HNF4G: variants seen among roughly 807,000 people sequenced by gnomAD.
HNF4G encodes hepatocyte nuclear factor 4 gamma, also known as hepatocyte nuclear factor 4-gamma.
In HNF4G, 21 loss-of-function variants were observed where a neutral mutation model predicts 50.9. The observed-to-expected ratio is 0.41, with a 90% CI of 0.29 to 0.59. The LOEUF is 0.59. Among genes scored for constraint, HNF4G ranks in the 20% least tolerant of loss-of-function variants. HNF4G has a pLI of 0.26. For synonymous variants in HNF4G, 198 were observed against 185.6 expected (o/e 1.07, Z -0.54); for missense variants, 527 against 559.4 (o/e 0.94, Z 0.58).
chr8:75,484,351 G>C (rs1181787898), intron 1 of HNF4G, among the ~76,000 whole-genome samples: 1 of 152,110 alleles, frequency 6.6e-6, no homozygotes, highest in Non-Finnish European at 1.5e-5. Flanking sequence ...TAATTGAAAA[G>C]AGTGATATTT....
At chr8:75,444,731 A>G (rs1811379436) in intron 1 of HNF4G, among the ~76,000 whole-genome samples, 1 of 89,542 alleles carries the variant, frequency 1.1e-5, no homozygotes, top group Non-Finnish European at 2.2e-5. Flanking sequence ...AGAGCTAACT[A>G]TCCTAAATAT....
intron 1 of HNF4G, among the ~76,000 whole-genome samples, chr8:75,470,421 T>C (rs941239965): frequency 6.6e-6 from 1 of 152,156 alleles, no homozygotes; most frequent in African/African-American, 2.4e-5. Context: ...ATTTTTCCAA[T>C]TGTAGTCTAT....
At chr8:75,427,059 C>T (rs950926897) in intron 1 of HNF4G, among the ~76,000 whole-genome samples, 1 of 152,120 alleles carries the variant, frequency 6.6e-6, no homozygotes, top group South Asian at 2.1e-4. Flanking sequence ...AATGATATTG[C>T]TATTACATGA....
chr8:75,491,943 A>G (rs1475532223), intron 2 of HNF4G, among the ~76,000 whole-genome samples: 1 of 152,188 alleles, frequency 6.6e-6, no homozygotes, highest in African/African-American at 2.4e-5. Context: ...GTGGTTTTAG[A>G]CAGTGAGGCC....
intron 1 of HNF4G, among the ~76,000 whole-genome samples, chr8:75,428,206 G>A (rs1156726255): frequency 6.6e-6 from 1 of 152,122 alleles, no homozygotes; most frequent in African/African-American, 2.4e-5. Flanking sequence ...AGACCTAGCA[G>A]GTGGGTGTAT....
chr8:75,546,656 A>G (rs975808933), intron 2 of HNF4G, among the ~76,000 whole-genome samples: 6 of 152,164 alleles, frequency 3.9e-5, no homozygotes, highest in African/African-American at 1.4e-4. Flanking sequence ...TTAGAATAGA[A>G]TAGGCTGCCA....
chr8:75,544,524 T>G (rs1046817149), intron 2 of HNF4G, among the ~76,000 whole-genome samples: 3 of 152,180 alleles, frequency 2.0e-5, no homozygotes, highest in Non-Finnish European at 4.4e-5. Context: ...AAATTTAATT[T>G]TCAGTCCTAA....
At chr8:75,467,036 G>C (rs906834299) in intron 1 of HNF4G, among the ~76,000 whole-genome samples, 2 of 151,914 alleles carry the variant, frequency 1.3e-5, no homozygotes, top group South Asian at 2.1e-4. Flanking sequence ...AATTTGAGGA[G>C]TATACTTTTT....
At chr8:75,463,844 G>T (rs1410153357) in intron 1 of HNF4G, among the ~76,000 whole-genome samples, 1 of 141,156 alleles carries the variant, frequency 7.1e-6, no homozygotes, top group Non-Finnish European at 1.5e-5. Context: ...GCATGATCTT[G>T]GCTCACCACA....
chr8:75,522,022 T>G (rs557024516), intron 2 of HNF4G, among the ~76,000 whole-genome samples: 1 of 152,234 alleles, frequency 6.6e-6, no homozygotes, highest in Non-Finnish European at 1.5e-5. Context: ...GTTTTCAACT[T>G]ATGATGAGTT....
chr8:75,454,050 T>C (rs374520461), intron 1 of HNF4G, among the ~76,000 whole-genome samples: 7 of 132,452 alleles, frequency 5.3e-5, no homozygotes, highest in Admixed American at 1.5e-4. Context: ...TCTCTCTCTC[T>C]CTCCCTCCCT....
intron 1 of HNF4G, among the ~76,000 whole-genome samples, chr8:75,466,359 T>C (rs1811971207): frequency 6.6e-6 from 1 of 152,020 alleles, no homozygotes; most frequent in South Asian, 2.1e-4. Flanking sequence ...TTTTTATAGA[T>C]TTTATTTTAT....
chr8:75,454,290 C>T (rs996921591), intron 1 of HNF4G, among the ~76,000 whole-genome samples: 5 of 152,074 alleles, frequency 3.3e-5, no homozygotes, highest in African/African-American at 9.7e-5. Flanking sequence ...TTGTTTAAAC[C>T]ATCCAGTCTA....
At chr8:75,527,098 A>G (rs1806205633) in intron 2 of HNF4G, 1 of 151,998 alleles carries the variant, frequency 6.6e-6, no homozygotes, top group Non-Finnish European at 1.5e-5. Context: ...TTTTCACAAC[A>G]TGTTTAGTGC....
chr8:75,463,511 T>G (rs957640586), intron 1 of HNF4G, among the ~76,000 whole-genome samples: 1 of 152,182 alleles, frequency 6.6e-6, no homozygotes, highest in African/African-American at 2.4e-5. Flanking sequence ...TCCTTGCCCC[T>G]CCTTTCAATA....
At chr8:75,554,295 A>T (rs1197712002) in intron 5 of HNF4G, among the ~76,000 whole-genome samples, 1 of 152,186 alleles carries the variant, frequency 6.6e-6, no homozygotes, top group Admixed American at 6.6e-5. Context: ...TATTTTTATT[A>T]TCATTCTTCT....
chr8:75,561,052 T>C (rs1007575979), intron 9 of HNF4G, among the ~76,000 whole-genome samples: 29 of 151,700 alleles, frequency 1.9e-4, no homozygotes, highest in African/African-American at 5.3e-4. Context: ...AAACTTACAT[T>C]AGGAAGTGAG....
At position 75,420,141 on chromosome 8, in the gene HNF4G, C is replaced by T. The variant is rs1810743702; in HGVS notation, c.-144+11979C>T. ...TAATTTCTGTCTTCTCCTTACACAT[C>T]TTATCTAATTCATCAGTAAATTAGA... On this transcript the variant is annotated intron_variant, in intron 1 of 10. Transcript: ENST00000354370. Among the ~76,000 whole-genome samples the T allele has an allele frequency of 5.3e-5, 8 of 152,198 alleles. No homozygotes were observed. In the South Asian group the frequency reaches 1.7e-3, roughly 32 times the overall value.
intron 1 of HNF4G, among the ~76,000 whole-genome samples, chr8:75,440,545 T>C (rs1255134664): frequency 6.6e-6 from 1 of 152,240 alleles, no homozygotes; most frequent in Non-Finnish European, 1.5e-5. Flanking sequence ...ATCAAATATA[T>C]GGAAGATAAT....
Sources: gnomAD v4.1 joint callset for allele counts (sites outside exome capture counted in the v4.1 genomes callset) on GRCh38, gnomAD v4.1.1 for gene constraint, MANE v1.5 for transcripts, NCBI Gene and HGNC (gene_info 2026-07-23, HGNC 2026-07-21) for gene names.